The following FRMPD4 variants were observed in gnomAD, a reference collection of about 807,000 sequenced individuals.
FRMPD4 encodes FERM and PDZ domain containing 4, also known as FERM and PDZ domain-containing protein 4.
In FRMPD4, 22 loss-of-function variants were observed where a neutral mutation model predicts 94.1. The ratio of observed to expected loss-of-function variants is 0.23; its 90% CI spans 0.17 to 0.33. FRMPD4 has a LOEUF of 0.33. FRMPD4 is among the 10% of genes least tolerant of loss of function. The pLI, the probability that FRMPD4 is intolerant of heterozygous loss-of-function variation, is 1.00. For missense variants in FRMPD4, 1,111 were observed against 1,339.9 expected (o/e 0.83, Z 2.67); for synonymous variants, 631 against 548.6 (o/e 1.15, Z -2.10).
At position 12,053,582 on chromosome X, in the gene FRMPD4, C is replaced by A. The variant is rs191833107; in HGVS notation, c.95+175564C>A. 4.3e-3 allele frequency among the ~76,000 whole-genome samples: 477 copies of A among 110,087 alleles called. 2 individuals carry two copies. The highest frequency in any genetic ancestry group is 0.022 in the South Asian group (57 of 2,546). ...TGGTGGGAAACAGTTTCATATTGGA[C>A]CAAGCTCAATCGAGGCCTGCACATC... On this transcript the variant is annotated intron_variant, in intron 3 of 18. Coordinates refer to the FRMPD4 transcript ENST00000640291.
chrX:11,935,095 T>TTTAA lies in FRMPD4; in HGVS notation c.95+57077_95+57078insTTAA, dbSNP rs869047289. ...TGATTTTTTTTTTTTTTTTTTTTTT[T>TTTAA]AAATTTAACAGCTTTATTGAGGTGT... On this transcript the variant is annotated intron_variant, in intron 3 of 18. Coordinates refer to the FRMPD4 transcript ENST00000640291. Among the ~76,000 whole-genome samples the TTTAA allele has an allele frequency of 2.9e-3, 140 of 48,992 alleles. 1 individual carries two copies. The highest frequency in any genetic ancestry group is 8.2e-3 in the African/African-American group (138 of 16,802). 42.5% of individuals were successfully genotyped at this position (48,992 alleles called of 115,157 possible).
intron 3 of FRMPD4, among the ~76,000 whole-genome samples, chrX:11,898,788 T>C (rs748114031): frequency 6.4e-4 from 72 of 111,854 alleles, no homozygotes; most frequent in Non-Finnish European, 1.0e-3. Flanking sequence ...CTGGAACTAT[T>C]TTGAAAGTAG....
intron 2 of FRMPD4, among the ~76,000 whole-genome samples, chrX:12,602,039 G>C (rs1271165677): frequency 9.0e-6 from 1 of 111,504 alleles, no homozygotes; most frequent in Non-Finnish European, 1.9e-5. Context: ...TACTTTATTA[G>C]ACCTGGGAGT....
intron 3 of FRMPD4, among the ~76,000 whole-genome samples, chrX:12,021,950 T>C (rs1467810399): frequency 8.9e-6 from 1 of 112,409 alleles, no homozygotes; most frequent in Admixed American, 9.4e-5. Flanking sequence ...GGTGACAGCC[T>C]CTGCTCTGGT....
chrX:12,080,311 T>G (rs1208736984), intron 3 of FRMPD4, among the ~76,000 whole-genome samples: 1 of 112,592 alleles, frequency 8.9e-6, no homozygotes, highest in Admixed American at 9.4e-5. Context: ...TCATTCACTC[T>G]CAAAAGCTTT....
intron 3 of FRMPD4, among the ~76,000 whole-genome samples, chrX:11,888,685 GAGTCAC>G (rs1259224727): frequency 8.9e-6 from 1 of 112,025 alleles, no homozygotes; most frequent in African/African-American, 3.2e-5. Context: ...GCAATAAAGT[GAGTCAC>G]ACAAGTTTTT....
chrX:12,602,927 G>A (rs1201520508), intron 2 of FRMPD4, among the ~76,000 whole-genome samples: 1 of 112,275 alleles, frequency 8.9e-6, no homozygotes, highest in African/African-American at 3.2e-5. Context: ...GAGCCAAGGG[G>A]CAGAGAAACA....
chrX:12,718,408 C>G lies in FRMPD4; in HGVS notation c.3582C>G (p.His1194Gln). 3 of 1,211,617 alleles carry G rather than the reference C, an allele frequency of 2.5e-6. No individual in the cohort carries two copies. Among genetic ancestry groups the G allele is most frequent in the Non-Finnish European group, 3.4e-6 (3 of 895,129 alleles). Reference sequence around the variant, plus strand: ...GTGTGGCCCGCCTTTGTGACTACCACTTGGCCAAGCGGATGTCATCACTGC... The same window carrying G: ...GTGTGGCCCGCCTTTGTGACTACCAGTTGGCCAAGCGGATGTCATCACTGC... ...DESVARLCDYHLAKRMSSLQS... is the reference protein window; with the variant it reads ...DESVARLCDYQLAKRMSSLQS... The change falls in exon 16 of 17, where the codon CAC becomes CAG. Residue 1194 changes from histidine to glutamine, a missense_variant. By Grantham distance (24) the His-to-Gln change is conservative. Coordinates refer to ENST00000675598, the MANE Select transcript of FRMPD4 (RefSeq NM_001368397.1).
chrX:12,623,627 A>G (rs1307440016), intron 4 of FRMPD4, among the ~76,000 whole-genome samples: 7 of 93,795 alleles, frequency 7.5e-5, no homozygotes, highest in Non-Finnish European at 1.5e-4. Flanking sequence ...AAACGTCCTA[A>G]ATCTTGGAAG....
chrX:12,517,978 C>A lies in FRMPD4; in HGVS notation c.158+19182C>A, dbSNP rs1198158656. Among the ~76,000 whole-genome samples, 58 of 112,507 alleles carry A rather than the reference C, an allele frequency of 5.2e-4. 1 individual carries two copies. Among genetic ancestry groups the A allele is most frequent in the Non-Finnish European group, 3.8e-5 (2 of 53,222 alleles). ...TCAGAGTCTGGCCTAAAGAGGCAGT[C>A]TGGCCACGATCTGCCACAGCTGCTG... On this transcript the variant is annotated intron_variant, in intron 2 of 16. Coordinates refer to ENST00000675598, the MANE Select transcript of FRMPD4 (RefSeq NM_001368397.1).
intron 9 of FRMPD4, among the ~76,000 whole-genome samples, chrX:12,696,945 C>A (rs1801024917): frequency 9.0e-6 from 1 of 111,623 alleles, no homozygotes; most frequent in Admixed American, 9.5e-5. Context: ...ACAGAACATA[C>A]AAGAATGTTC....
intron 1 of FRMPD4, among the ~76,000 whole-genome samples, chrX:12,146,242 T>G (rs184962208): frequency 1.3e-3 from 143 of 110,402 alleles, no homozygotes; most frequent in Non-Finnish European, 2.4e-3. Context: ...CGGGCGCTTG[T>G]AGTCTCAGCT....
At chrX:12,441,273 A>G (rs907135089) in intron 1 of FRMPD4, among the ~76,000 whole-genome samples, 8 of 112,191 alleles carry the variant, frequency 7.1e-5, no homozygotes, top group South Asian at 3.7e-4. Flanking sequence ...ATGGCCTTAA[A>G]CTGATGCCCA....
At chrX:12,164,606 C>A (rs1365931623) in intron 1 of FRMPD4, among the ~76,000 whole-genome samples, 2 of 112,007 alleles carry the variant, frequency 1.8e-5, no homozygotes, top group South Asian at 3.7e-4. Flanking sequence ...AGTTGTAGAT[C>A]CCTGAGGAAT....
chrX:11,951,059 CAAAAA>C (rs35673540), intron 3 of FRMPD4, among the ~76,000 whole-genome samples: 2 of 32,346 alleles, frequency 6.2e-5, no homozygotes, highest in African/African-American at 1.3e-4. Flanking sequence ...AACTCCATCT[CAAAAA>C]AAAAAAAAAA....
chrX:12,419,112 G>A (rs1363484740), intron 1 of FRMPD4, among the ~76,000 whole-genome samples: 1 of 111,666 alleles, frequency 9.0e-6, no homozygotes, highest in African/African-American at 3.3e-5. Flanking sequence ...CCTGTATCAT[G>A]ATACTATCTT....
intron 1 of FRMPD4, among the ~76,000 whole-genome samples, chrX:11,841,104 C>A (rs983493662): frequency 2.7e-5 from 3 of 109,978 alleles, no homozygotes; most frequent in African/African-American, 3.3e-5. Context: ...GCATAGTATT[C>A]CATGGTGTAT....
At chrX:12,040,156 T>C (rs1006729352) in intron 3 of FRMPD4, among the ~76,000 whole-genome samples, 3 of 110,721 alleles carry the variant, frequency 2.7e-5, no homozygotes, top group African/African-American at 6.6e-5. Flanking sequence ...ACTTGAAATG[T>C]TGAATTGTTT....
intron 1 of FRMPD4, among the ~76,000 whole-genome samples, chrX:11,829,778 G>A (rs1601790111): frequency 1.8e-5 from 2 of 111,954 alleles, no homozygotes; most frequent in East Asian, 5.6e-4. Flanking sequence ...AAAGAATAAA[G>A]CACAATAGAA....
Sources: allele counts gnomAD v4.1 joint callset (sites outside exome capture counted in the v4.1 genomes callset), GRCh38; gene constraint gnomAD v4.1.1; transcripts MANE v1.5; gene names NCBI Gene and HGNC (gene_info 2026-07-23, HGNC 2026-07-21).